The following TMEM40 variants were observed in gnomAD, a reference collection of about 807,000 sequenced individuals.
TMEM40 encodes transmembrane protein 40.
TMEM40 carries 34 observed loss-of-function variants against 40.8 expected under a neutral mutation model. The ratio of observed to expected loss-of-function variants is 0.83; its 90% CI spans 0.63 to 1.11. TMEM40 has a LOEUF of 1.11. TMEM40 is among the 50% of genes least tolerant of loss of function. The pLI is 0.00. For missense variants in TMEM40, 296 were observed against 280.2 expected (o/e 1.06, Z -0.40); for synonymous variants, 106 against 107.0 (o/e 0.99, Z 0.06).
intron 5 of TMEM40, among the ~76,000 whole-genome samples, chr3:12,740,044 ATATAT>A (rs1371231153): frequency 6.8e-6 from 1 of 147,230 alleles, no homozygotes; most frequent in Admixed American, 6.9e-5. Flanking sequence ...TAATATACTT[ATATAT>A]TATATAACAC....
intron 3 of TMEM40, among the ~76,000 whole-genome samples, chr3:12,746,224 T>C (rs2061426688): frequency 6.6e-6 from 1 of 152,102 alleles, no homozygotes; most frequent in South Asian, 2.1e-4. Flanking sequence ...TAAAAAATAA[T>C]AATAATAACC....
chr3:12,741,541 A>G lies in TMEM40; in HGVS notation c.355+913T>C, dbSNP rs113350314. On this transcript the variant is annotated intron_variant, in intron 5 of 11. Coordinates refer to ENST00000314124, the MANE Select transcript of TMEM40 (RefSeq NM_018306.4). ...ACAACATGAAATGAGAACTCAAGCA[A>G]TGTAATTTACCAAGCACCTCCAATG... Among the ~76,000 whole-genome samples the G allele has an allele frequency of 2.4e-3, 370 of 152,322 alleles. 1 individual carries two copies. The highest frequency in any genetic ancestry group is 6.4e-3 in the South Asian group (31 of 4,826).
intron 1 of TMEM40, among the ~76,000 whole-genome samples, chr3:12,767,455 G>C (rs6791359): frequency 1.3e-5 from 2 of 152,012 alleles, no homozygotes; most frequent in African/African-American, 2.4e-5. Context: ...CAGGAGCTTC[G>C]GTTCACCTTC....
chr3:12,756,716 TG>T (rs1559534118), intron 1 of TMEM40, among the ~76,000 whole-genome samples: 1 of 152,106 alleles, frequency 6.6e-6, no homozygotes, highest in South Asian at 2.1e-4. Flanking sequence ...TCCCACAGCC[TG>T]GAATCTCAGT....
chr3:12,768,829 C>T (rs1181779372), intron 1 of TMEM40, among the ~76,000 whole-genome samples: 5 of 151,202 alleles, frequency 3.3e-5, no homozygotes, highest in Non-Finnish European at 7.4e-5. Flanking sequence ...TGGGACCGGG[C>T]GCCGTGGAGC....
chr3:12,737,674 G>A (rs752371798), intron 8 of TMEM40, 33 bp downstream of exon 8: 2 of 1,611,404 alleles, frequency 1.2e-6, no homozygotes. Context: ...AGCCAGACAG[G>A]AAAAAGCAGC....
At chr3:12,756,041 G>A (rs914305180) in intron 1 of TMEM40, among the ~76,000 whole-genome samples, 4 of 152,150 alleles carry the variant, frequency 2.6e-5, no homozygotes, top group African/African-American at 9.7e-5. Flanking sequence ...TTACCACATT[G>A]GAAAGAGCAA....
chr3:12,734,840 A>G (rs1463538062), intron 11 of TMEM40, 47 bp from the exon 12 acceptor site: 1 of 1,578,080 alleles, frequency 6.3e-7, no homozygotes, highest in East Asian at 2.3e-5. Flanking sequence ...GAAGGCAGCC[A>G]GGCTTCATCC....
At chr3:12,757,417 T>C (rs2061537328) in intron 1 of TMEM40, among the ~76,000 whole-genome samples, 2 of 146,934 alleles carry the variant, frequency 1.4e-5, no homozygotes, top group Admixed American at 1.4e-4. Flanking sequence ...TGTGGTGAGC[T>C]GAGATCGCAC....
At chr3:12,737,607 G>A in intron 8 of TMEM40, 100 bp downstream of exon 8, 5 of 1,068,878 alleles carry the variant, frequency 4.7e-6, no homozygotes, top group African/African-American at 1.6e-5. Context: ...CACGACAGAG[G>A]TGGGCTATGA....
At chr3:12,769,272 C>T (rs1388192387) in exon 1 of TMEM40, 5 of 412,682 alleles carry the variant, frequency 1.2e-5, no homozygotes, top group Non-Finnish European at 2.0e-5. Flanking sequence ...CTGAGGGAGC[C>T]GGCTCCGGCC....
chr3:12,747,186 CTT>C (rs546380956), intron 3 of TMEM40, among the ~76,000 whole-genome samples: 12 of 141,274 alleles, frequency 8.5e-5, no homozygotes, highest in South Asian at 2.3e-4. Context: ...AAGACCAGAG[CTT>C]TTTTTTTTTT....
Position 12,744,250 on chromosome 3 carries a change from A to G in TMEM40, c.212-261T>C, listed in dbSNP as rs1173269283. Among the ~76,000 whole-genome samples, 3 of 152,160 alleles carry G rather than the reference A, an allele frequency of 2.0e-5. No homozygotes were observed. In the East Asian group the frequency reaches 5.8e-4, roughly 29 times the overall value. On this transcript the variant is annotated intron_variant, in intron 3 of 11. Coordinates refer to ENST00000314124, the MANE Select transcript of TMEM40 (RefSeq NM_018306.4). Reference sequence around the variant, plus strand: ...TTGCCTACTTCATAAGACTTCCATGAAGATAAGATAAGGTCCCATGAGGCA... The same window carrying G: ...TTGCCTACTTCATAAGACTTCCATGGAGATAAGATAAGGTCCCATGAGGCA...
chr3:12,752,532 T>C (rs111568645), intron 1 of TMEM40, among the ~76,000 whole-genome samples: 5,742 of 152,040 alleles, frequency 0.038, 137 homozygotes, highest in Middle Eastern at 0.061. Flanking sequence ...GGCGCGGTGG[T>C]TCATGCCTGT....
intron 1 of TMEM40, among the ~76,000 whole-genome samples, chr3:12,753,649 C>T (rs1185445846): frequency 6.6e-6 from 1 of 152,158 alleles, no homozygotes; most frequent in Non-Finnish European, 1.5e-5. Flanking sequence ...AAGCTTCATG[C>T]CCCAGCTGCC....
intron 3 of TMEM40, among the ~76,000 whole-genome samples, chr3:12,746,419 T>C (rs2061429037): frequency 6.6e-6 from 1 of 152,218 alleles, no homozygotes; most frequent in African/African-American, 2.4e-5. Flanking sequence ...TTTCGCTATA[T>C]GCTCTATATT....
At chr3:12,761,344 C>T (rs1274093814), upstream of TMEM40, among the ~76,000 whole-genome samples, 2 of 152,182 alleles carry the variant, frequency 1.3e-5, no homozygotes. Context: ...GTGGCTCACG[C>T]CTATAATCCC....
chr3:12,758,080 AAAAG>A lies in TMEM40; in HGVS notation c.-9+1107_-9+1110del, dbSNP rs1318998670. Among the ~76,000 whole-genome samples the A allele has an allele frequency of 9.9e-5, 15 of 151,948 alleles. 1 individual carries two copies. The South Asian group carries it at 1.2e-3, about 13-fold the overall frequency. The stretch of plus-strand genomic sequence containing the variant: ...GTAAATCTGTTATTTAAAAAAAAAA[AAAAG>A]AAAGAAAGAAAAAGGAAAGACTCCA... On this transcript the variant is annotated intron_variant, in intron 1 of 11. Transcript: ENST00000314124.
intron 5 of TMEM40, among the ~76,000 whole-genome samples, chr3:12,741,522 T>C (rs2061381283): frequency 6.6e-6 from 1 of 152,008 alleles, no homozygotes; most frequent in South Asian, 2.1e-4. Context: ...AAGGACAACA[T>C]GAAATGAGAA....
Sources: allele counts gnomAD v4.1 joint callset (sites outside exome capture counted in the v4.1 genomes callset), GRCh38; gene constraint gnomAD v4.1.1; transcripts MANE v1.5; gene names NCBI Gene and HGNC (gene_info 2026-07-23, HGNC 2026-07-21).